PIK3C3: variants seen among roughly 807,000 people sequenced by gnomAD.
The protein encoded by PIK3C3 is phosphatidylinositol 3-kinase catalytic subunit type 3.
Under a neutral mutation model 126.1 loss-of-function variants are expected in PIK3C3, and 95 were observed. The ratio of observed to expected loss-of-function variants is 0.75; its 90% CI spans 0.64 to 0.89. The LOEUF (loss-of-function observed/expected upper bound fraction) is 0.89. Ranked by LOEUF, PIK3C3 falls within the 40% of genes least tolerant of loss-of-function variation. The pLI is 0.00. For missense variants in PIK3C3, 829 were observed against 1,063.2 expected (o/e 0.78, Z 3.06); for synonymous variants, 374 against 360.0 (o/e 1.04, Z -0.44).
chr18:42,059,049 G>A (rs1322925091), intron 22 of PIK3C3, among the ~76,000 whole-genome samples: 1 of 152,170 alleles, frequency 6.6e-6, no homozygotes, highest in Non-Finnish European at 1.5e-5. Context: ...TTTATTCATT[G>A]AGAACTCTTC....
Position 42,043,751 on chromosome 18 carries a change from G to A in PIK3C3, c.2122G>A (p.Ala708Thr). The part of the protein sequence containing the change: ...GSIQNFFRKY[A>T]PSENGPNGIS... ...TTTTCAGAACTTTTTTAGAAAATATGCACCAAGTGAGAATGGGCCAAATGG... is the reference window on the plus strand; with the variant it reads ...TTTTCAGAACTTTTTTAGAAAATATACACCAAGTGAGAATGGGCCAAATGG... The change falls in exon 20 of 25, where the codon GCA becomes ACA. Residue 708 changes from alanine (A) to threonine (T), a missense_variant. By Grantham distance (58) the Ala-to-Thr change is moderately conservative. Coordinates refer to ENST00000262039, the MANE Select transcript of PIK3C3 (RefSeq NM_002647.4). 2.5e-6 allele frequency: 4 copies of A among 1,610,844 alleles called. No homozygotes were observed. The highest frequency in any genetic ancestry group is 1.1e-5 in the South Asian group (1 of 90,968).
intron 7 of PIK3C3, among the ~76,000 whole-genome samples, chr18:41,994,895 C>G (rs1051818387): frequency 6.6e-6 from 1 of 151,882 alleles, no homozygotes; most frequent in Non-Finnish European, 1.5e-5. Context: ...AATAAATTAG[C>G]CAGGTAGTGG....
chr18:42,059,548 ATG>A (rs1568005461), intron 22 of PIK3C3, among the ~76,000 whole-genome samples: 1 of 152,208 alleles, frequency 6.6e-6, no homozygotes, highest in East Asian at 1.9e-4. Flanking sequence ...AAGGAAAACA[ATG>A]TGGTTTATAA....
At chr18:42,044,572 C>T (rs1410629312) in intron 20 of PIK3C3, among the ~76,000 whole-genome samples, 1 of 151,952 alleles carries the variant, frequency 6.6e-6, no homozygotes, top group Admixed American at 6.6e-5. Flanking sequence ...TGCACCACCA[C>T]ACTTGGATGA....
In PIK3C3 at chr18:41,996,738, T is replaced by A. The variant is rs774772092; in HGVS notation, c.984+8T>A. 4 of 1,342,428 alleles carry A rather than the reference T, an allele frequency of 3.0e-6. No homozygotes were observed. Among genetic ancestry groups the A allele is most frequent in the Non-Finnish European group, 4.2e-6 (4 of 961,482 alleles). The allele number at this position is 1,342,428 out of a possible 1,614,324, so 83.2% of individuals were successfully genotyped here. A position where few individuals can be genotyped will look rare whatever the true frequency, so the allele number is the denominator to read the frequency against. On this transcript the variant is annotated splice_region_variant and intron_variant, in intron 9 of 24. Transcript: ENST00000262039. The stretch of plus-strand genomic sequence containing the variant: ...CTTACGAATCAAGAAAAAGTGAGTG[T>A]CTTGAATATTTTCATATATCAAATT...
intron 7 of PIK3C3, 106 bp from the exon 8 acceptor site, chr18:41,995,784 A>G (rs1981996225): frequency 1.3e-6 from 1 of 742,956 alleles, no homozygotes; most frequent in South Asian, 1.6e-5. Context: ...AGAACAAAAC[A>G]TTAGATATTA....
At chr18:41,982,459 T>A (rs1981255175) in intron 4 of PIK3C3, among the ~76,000 whole-genome samples, 1 of 152,156 alleles carries the variant, frequency 6.6e-6, no homozygotes, top group South Asian at 2.1e-4. Context: ...ATTAATGAGA[T>A]AGGGCTTTAT....
intron 17 of PIK3C3, among the ~76,000 whole-genome samples, 200 bp from the exon 18 acceptor site, chr18:42,038,581 T>C (rs545317295): frequency 6.6e-6 from 1 of 152,144 alleles, no homozygotes; most frequent in East Asian, 1.9e-4. Flanking sequence ...TGACCTCAGG[T>C]GATCCACCCG....
intron 9 of PIK3C3, among the ~76,000 whole-genome samples, chr18:42,002,860 A>G (rs1016409994): frequency 6.6e-6 from 1 of 152,174 alleles, no homozygotes; most frequent in Non-Finnish European, 1.5e-5. Flanking sequence ...AATATAGGAG[A>G]TATTGCTAGG....
chr18:41,981,425 G>A (rs559965810), intron 4 of PIK3C3, among the ~76,000 whole-genome samples: 2 of 152,234 alleles, frequency 1.3e-5, no homozygotes, highest in South Asian at 4.1e-4. Flanking sequence ...CTTTTATGAA[G>A]CAAATACTAC....
In PIK3C3 at chr18:41,962,521, A is replaced by G. The variant is rs1980143377; in HGVS notation, c.290A>G (p.Tyr97Cys). ...GAATGGCTGAAACTACCAGTAAAAT[A>G]CCCTGACCTGCCCAGGAATGCCCAA... ...WNEWLKLPVK[Y>C]PDLPRNAQVA... The change falls in exon 3 of 25, where the codon TAC (tyrosine) becomes TGC (cysteine). Residue 97 changes from tyrosine to cysteine, a missense_variant. By Grantham distance (194) the Tyr-to-Cys change is radical. Transcript: ENST00000262039. The G allele has an allele frequency of 6.2e-7, 1 of 1,613,100 alleles. No individual in the cohort carries two copies. The highest frequency in any genetic ancestry group is 8.5e-7 in the Non-Finnish European group (1 of 1,179,304).
intron 9 of PIK3C3, among the ~76,000 whole-genome samples, chr18:41,999,590 A>G (rs1336436079): frequency 6.6e-6 from 1 of 152,226 alleles, no homozygotes; most frequent in Non-Finnish European, 1.5e-5. Context: ...AGCATTATAT[A>G]AGACTATGAG....
At chr18:42,059,583 T>A (rs1466361239) in intron 22 of PIK3C3, among the ~76,000 whole-genome samples, 1 of 152,156 alleles carries the variant, frequency 6.6e-6, no homozygotes, top group Non-Finnish European at 1.5e-5. Flanking sequence ...AGTGGATTAG[T>A]AGCAATTCAA....
In PIK3C3 at chr18:42,087,724, C is replaced by G. The variant is rs182600848; in HGVS notation, c.*6587C>G. ...TGATGTATCTATAAATGAGCCTTTG[C>G]AAGATTACCATTTATCAAAGAAAAC... On this transcript the variant is annotated 3_prime_UTR_variant, in exon 25 of 25. Transcript: ENST00000262039. The G allele has an allele frequency of 4.6e-5, 7 of 152,082 alleles. No homozygotes were observed. The highest frequency in any genetic ancestry group is 1.4e-4 in the African/African-American group (6 of 41,386). 9.4% of individuals were successfully genotyped at this position (152,082 alleles called of 1,614,324 possible).
At chr18:42,054,707 C>A (rs531035538) in intron 21 of PIK3C3, among the ~76,000 whole-genome samples, 2 of 152,024 alleles carry the variant, frequency 1.3e-5, no homozygotes, top group African/African-American at 4.8e-5. Context: ...TTATTTTGCC[C>A]CTCCCCCATT....
intron 3 of PIK3C3, among the ~76,000 whole-genome samples, chr18:41,963,666 T>G (rs1323904111): frequency 6.6e-6 from 1 of 152,200 alleles, no homozygotes; most frequent in South Asian, 2.1e-4. Flanking sequence ...TACTTTAAAG[T>G]TAAAAAATGT....
At chr18:41,981,983 CA>C (rs374935925) in intron 4 of PIK3C3, among the ~76,000 whole-genome samples, 101 of 138,980 alleles carry the variant, frequency 7.3e-4, no homozygotes, top group Middle Eastern at 3.8e-3. Context: ...GACCCTGTCT[CA>C]AAAAAAAAAA....
chr18:42,063,102 C>T (rs1387456449), intron 22 of PIK3C3, among the ~76,000 whole-genome samples: 1 of 152,190 alleles, frequency 6.6e-6, no homozygotes, highest in Non-Finnish European at 1.5e-5. Flanking sequence ...ACTCCTTAAA[C>T]TTAGTTGCTT....
chr18:41,995,855 A>G (rs1361745829), intron 7 of PIK3C3, 35 bp from the exon 8 acceptor site: 1 of 1,424,618 alleles, frequency 7.0e-7, no homozygotes, highest in African/African-American at 1.4e-5. Context: ...CTTTTGGTGA[A>G]GTTTACATTG....
Sources: gnomAD v4.1 joint callset for allele counts (sites outside exome capture counted in the v4.1 genomes callset) on GRCh38, gnomAD v4.1.1 for gene constraint, MANE v1.5 for transcripts, NCBI Gene and HGNC (gene_info 2026-07-23, HGNC 2026-07-21) for gene names.